The following PDIA5 variants were observed in gnomAD, a reference collection of about 807,000 sequenced individuals.
The protein encoded by PDIA5 is protein disulfide isomerase family A member 5, also known as protein disulfide-isomerase A5.
PDIA5 carries 58 observed loss-of-function variants against 77.6 expected under a neutral mutation model. That is an observed-to-expected ratio of 0.75 (90% CI 0.61 to 0.93). PDIA5 has a LOEUF of 0.93. PDIA5 is among the 40% of genes least tolerant of loss of function. The pLI, the probability that PDIA5 is intolerant of heterozygous loss-of-function variation, is 0.00. For synonymous variants in PDIA5, 250 were observed against 252.1 expected, an observed-to-expected ratio of 0.99 and a Z score of 0.08; for missense variants, 630 against 647.7, an observed-to-expected ratio of 0.97 and a Z score of 0.30.
intron 3 of PDIA5, 44 bp from the exon 4 acceptor site, chr3:123,102,367 A>G: frequency 6.8e-7 from 1 of 1,470,504 alleles, no homozygotes; most frequent in Non-Finnish European, 9.5e-7. Flanking sequence ...CACCTTTGTG[A>G]GGACTTCAGG....
At chr3:123,151,843 G>GCCTT (rs1484572132) in intron 14 of PDIA5, among the ~76,000 whole-genome samples, 3 of 125,676 alleles carry the variant, frequency 2.4e-5, no homozygotes, top group Non-Finnish European at 5.0e-5. Context: ...CTGCCTGCCT[G>GCCTT]CCTTCCTTCC....
chr3:123,110,969 A>G lies in PDIA5; in HGVS notation c.506A>G (p.Glu169Gly). 1 of 1,613,940 alleles carries G rather than the reference A, an allele frequency of 6.2e-7. No homozygotes were observed. The highest frequency in any genetic ancestry group is 8.5e-7 in the Non-Finnish European group (1 of 1,179,922). The change falls in exon 7 of 17, where the codon GAA (glutamate) becomes GGA (glycine). Residue 169 changes from glutamate to glycine, a missense_variant. Transcript: ENST00000316218. ...GACTTCAGACGGCTCCTGAAGAAGG[A>G]AGAGAAGCCGCTCCTGATCATGTTT... ...EKDFRRLLKK[E>G]EKPLLIMFYA...
At chr3:123,118,364 G>A (rs1410111727) in intron 8 of PDIA5, among the ~76,000 whole-genome samples, 2 of 152,202 alleles carry the variant, frequency 1.3e-5, no homozygotes, top group African/African-American at 4.8e-5. Flanking sequence ...CTCTCTGCCT[G>A]CACCCGCATA....
intron 14 of PDIA5, among the ~76,000 whole-genome samples, chr3:123,153,120 GA>G: frequency 6.6e-6 from 1 of 152,286 alleles, no homozygotes; most frequent in South Asian, 2.1e-4. Context: ...GAGAAAATTA[GA>G]TGCAACAGAA....
At chr3:123,079,175 C>CTTTTTTTT (rs35252405) in intron 1 of PDIA5, among the ~76,000 whole-genome samples, 37 of 94,066 alleles carry the variant, frequency 3.9e-4, no homozygotes, top group Admixed American at 5.9e-4. Context: ...ATTTTGAATT[C>CTTTTTTTT]TTTTTTTTTT....
At chr3:123,089,108 G>T in intron 1 of PDIA5, 60 bp from the exon 2 acceptor site, 2 of 1,558,346 alleles carry the variant, frequency 1.3e-6, no homozygotes, top group South Asian at 2.3e-5. Flanking sequence ...CATGGGCACC[G>T]ATTCTTCTGG....
chr3:123,122,785 C>T (rs774467427), intron 8 of PDIA5, among the ~76,000 whole-genome samples: 8 of 152,146 alleles, frequency 5.3e-5, no homozygotes, highest in Non-Finnish European at 7.4e-5. Context: ...TCCACTGAAA[C>T]GGTTATTTAT....
In PDIA5 at chr3:123,151,799, GCCTGCCTT is replaced by G. The variant is rs1395493511; in HGVS notation, c.1273+1443_1273+1450del. Among the ~76,000 whole-genome samples the G allele has an allele frequency of 5.3e-3, 586 of 111,156 alleles. 5 individuals carry two copies. Among genetic ancestry groups the G allele is most frequent in the Non-Finnish European group, 7.7e-3 (419 of 54,592 alleles). The allele number at this position is 111,156 out of a possible 152,430, so 72.9% of individuals were successfully genotyped here. A position where few individuals can be genotyped will look rare whatever the true frequency, so the allele number is the denominator to read the frequency against. Reference sequence around the variant, plus strand: ...GCCTGCCTGGCCTGCCTTCCTGCCTGCCTGCCTTCCTGCCTGCCTGCCTGCCTGCCTTC... The same window carrying G: ...GCCTGCCTGGCCTGCCTTCCTGCCTGCCTGCCTGCCTGCCTGCCTGCCTTC... On this transcript the variant is annotated intron_variant, in intron 14 of 16. Coordinates refer to ENST00000316218, the MANE Select transcript of PDIA5 (RefSeq NM_006810.4).
chr3:123,125,064 G>T (rs760267784), intron 10 of PDIA5, among the ~76,000 whole-genome samples: 3 of 152,108 alleles, frequency 2.0e-5, no homozygotes, highest in Non-Finnish European at 4.4e-5. Context: ...TGTCCTGCCA[G>T]ATCACCCCAT....
intron 1 of PDIA5, among the ~76,000 whole-genome samples, chr3:123,073,168 C>T (rs766348452): frequency 1.2e-4 from 18 of 152,170 alleles, no homozygotes; most frequent in Admixed American, 3.9e-4. Flanking sequence ...TATTTCACGA[C>T]GGTGTGGTTT....
chr3:123,076,259 C>G (rs1933856323), intron 1 of PDIA5, among the ~76,000 whole-genome samples: 1 of 152,150 alleles, frequency 6.6e-6, no homozygotes, highest in Non-Finnish European at 1.5e-5. Flanking sequence ...GGACCTGGCT[C>G]TACTGTTTTA....
intron 14 of PDIA5, among the ~76,000 whole-genome samples, chr3:123,151,795 G>GCCTGCCTGCCTT (rs1376142989): frequency 3.2e-5 from 3 of 93,396 alleles, no homozygotes; most frequent in African/African-American, 4.5e-5. Context: ...CTGCCTTCCT[G>GCCTGCCTGCCTT]CCTGCCTGCC....
intron 14 of PDIA5, among the ~76,000 whole-genome samples, chr3:123,153,172 A>G (rs905545757): frequency 8.5e-5 from 13 of 152,222 alleles, no homozygotes; most frequent in Non-Finnish European, 1.9e-4. Context: ...ATTGATGGTA[A>G]CAGGAATTTA....
chr3:123,101,529 C>T (rs543525959), intron 3 of PDIA5, among the ~76,000 whole-genome samples: 2 of 152,300 alleles, frequency 1.3e-5, no homozygotes, highest in South Asian at 2.1e-4. Context: ...GCCCTTTCTC[C>T]TTTTGTCTTT....
intron 1 of PDIA5, among the ~76,000 whole-genome samples, chr3:123,071,217 G>A (rs1009998252): frequency 1.3e-5 from 2 of 152,068 alleles, no homozygotes; most frequent in East Asian, 1.9e-4. Context: ...GGAGAATAGC[G>A]AGGCTTAGGG....
At chr3:123,078,741 C>G (rs1933918148) in intron 1 of PDIA5, among the ~76,000 whole-genome samples, 1 of 152,212 alleles carries the variant, frequency 6.6e-6, no homozygotes, top group South Asian at 2.1e-4. Flanking sequence ...CTTCTTTAGT[C>G]TCCTTTAATC....
intron 6 of PDIA5, among the ~76,000 whole-genome samples, chr3:123,110,673 A>G (rs200458391): frequency 6.6e-6 from 1 of 152,136 alleles, no homozygotes; most frequent in Non-Finnish European, 1.5e-5. Flanking sequence ...GGCCAAAGCC[A>G]TTTGTTAGCT....
chr3:123,154,990 G>T lies in PDIA5; in HGVS notation c.1293G>T (p.Lys431Asn). 1 of 1,612,130 alleles carries T rather than the reference G, an allele frequency of 6.2e-7. No individual in the cohort carries two copies. The highest frequency in any genetic ancestry group is 8.5e-7 in the Non-Finnish European group (1 of 1,178,226). Reference protein sequence around the residue: ...FYAPWCPHCKKVIPHFTATAD... With the variant: ...FYAPWCPHCKNVIPHFTATAD... ...ACACAGGGTGCCCACACTGTAAGAAGGTCATTCCGCACTTTACTGCTACTG... is the reference window on the plus strand; with the variant it reads ...ACACAGGGTGCCCACACTGTAAGAATGTCATTCCGCACTTTACTGCTACTG... Residue 431 changes from lysine (K) to asparagine (N), a missense_variant, in exon 15 of 17, where the codon AAG becomes AAT. Physicochemically the swap from Lys to Asn is moderately conservative, Grantham distance 94. Coordinates refer to ENST00000316218, the MANE Select transcript of PDIA5 (RefSeq NM_006810.4).
intron 7 of PDIA5, among the ~76,000 whole-genome samples, chr3:123,114,872 G>C (rs1046371083): frequency 6.6e-6 from 1 of 152,198 alleles, no homozygotes; most frequent in Non-Finnish European, 1.5e-5. Context: ...TAAGCCCAGG[G>C]TTCGCGTACT....
Sources: gnomAD v4.1 joint callset for allele counts (sites outside exome capture counted in the v4.1 genomes callset) on GRCh38, gnomAD v4.1.1 for gene constraint, MANE v1.5 for transcripts, NCBI Gene and HGNC (gene_info 2026-07-23, HGNC 2026-07-21) for gene names.